Variants in LPA observed in about 807,000 individuals in gnomAD.
LPA encodes the protein apolipoprotein(a).
In LPA, 199 loss-of-function variants were observed where a neutral mutation model predicts 197.9. The ratio of observed to expected loss-of-function variants is 1.01; its 90% CI spans 0.90 to 1.13. The LOEUF (loss-of-function observed/expected upper bound fraction) is 1.13. Ranked by LOEUF, LPA falls within the 50% of genes most tolerant of loss-of-function variation. The pLI is 0.00. For missense variants in LPA, 1,853 were observed against 1,785.8 expected (o/e 1.04, Z -0.68); for synonymous variants, 715 against 639.5 (o/e 1.12, Z -1.78).
At chr6:160,532,259 G>A (rs1033928292) in intron 38 of LPA, among the ~76,000 whole-genome samples, 3 of 152,076 alleles carry the variant, frequency 2.0e-5, no homozygotes, top group African/African-American at 4.8e-5. Context: ...TCAGTCACTG[G>A]TGACCAGCAC....
chr6:160,582,332 C>G (rs1023864616), intron 26 of LPA, among the ~76,000 whole-genome samples: 3 of 151,858 alleles, frequency 2.0e-5, no homozygotes, highest in African/African-American at 7.3e-5. Context: ...TCTTACCACT[C>G]TGAAGGCGTT....
intron 30 of LPA, among the ~76,000 whole-genome samples, chr6:160,552,204 G>A (rs1198966680): frequency 1.3e-5 from 2 of 152,146 alleles, no homozygotes; most frequent in African/African-American, 2.4e-5. Context: ...GAGCCAAGGG[G>A]CCAGGCCAAT....
chr6:160,610,687 A>G (rs1473852913), intron 16 of LPA, among the ~76,000 whole-genome samples: 1 of 152,024 alleles, frequency 6.6e-6, no homozygotes, highest in Non-Finnish European at 1.5e-5. Context: ...GACCTAGAAA[A>G]TACCAGAGTC....
chr6:160,552,027 C>G (rs1309290300), intron 30 of LPA, among the ~76,000 whole-genome samples: 3 of 151,926 alleles, frequency 2.0e-5, no homozygotes, highest in Non-Finnish European at 4.4e-5. Flanking sequence ...ATCCTCTCAC[C>G]TCAGCATTCC....
In LPA at chr6:160,594,600, G is replaced by A. The variant is rs553337243; in HGVS notation, c.3470-483C>T. Among the ~76,000 whole-genome samples the A allele has an allele frequency of 6.6e-5, 10 of 152,312 alleles. No homozygotes were observed. The South Asian group carries it at 1.5e-3, about 22-fold the overall frequency. ...GGAAGCGGTCCTGCATCTAGGACTC[G>A]TAGGCAAAGACAAATTGTCTCTCAG... On this transcript the variant is annotated intron_variant, in intron 21 of 38. Coordinates refer to ENST00000316300, the MANE Select transcript of LPA (RefSeq NM_005577.4).
chr6:160,538,898 C>T (rs1223384987), intron 36 of LPA, among the ~76,000 whole-genome samples: 1 of 152,190 alleles, frequency 6.6e-6, no homozygotes, highest in Non-Finnish European at 1.5e-5. Context: ...CATCAGAACA[C>T]CCCAGCTCTC....
At chr6:160,590,510 C>G (rs894519134) in intron 23 of LPA, among the ~76,000 whole-genome samples, 1 of 152,126 alleles carries the variant, frequency 6.6e-6, no homozygotes, top group Admixed American at 6.6e-5. Flanking sequence ...TATCAGGTTT[C>G]TCAAGGATGA....
chr6:160,604,030 C>T (rs1197268181), intron 18 of LPA, among the ~76,000 whole-genome samples: 1 of 152,120 alleles, frequency 6.6e-6, no homozygotes, highest in African/African-American at 2.4e-5. Context: ...AGGATATATT[C>T]TTTTCTCTAC....
In LPA at chr6:160,589,561, G is replaced by A. The variant is rs762386030; in HGVS notation, c.3939C>T (p.Tyr1313=). Residue 1313 remains tyrosine (Y), a synonymous_variant, in exon 24 of 39, where the codon TAC becomes TAT. Coordinates refer to ENST00000316300, the MANE Select transcript of LPA (RefSeq NM_005577.4). ...PHWHQRTTEY[Y]PNGGLTRNYC... is the part of the protein sequence containing the mutation. ...AAAACTCAAAGACATACCCATTTGG[G>A]TAGTATTCTGTGGTTCTCTGATGCC... The A allele has an allele frequency of 5.0e-6, 8 of 1,613,566 alleles. No individual in the cohort carries two copies. In the African/African-American group the frequency reaches 8.0e-5, roughly 16 times the overall value.
At chr6:160,539,237 G>C (rs962881510) in intron 36 of LPA, among the ~76,000 whole-genome samples, 3 of 152,118 alleles carry the variant, frequency 2.0e-5, no homozygotes, top group Non-Finnish European at 2.9e-5. Flanking sequence ...CACATGCCTT[G>C]TCACCTGTCC....
Position 160,557,443 on chromosome 6 carries a change from A to T in LPA, c.4760T>A (p.Leu1587Gln), listed in dbSNP as rs1265661636. 1 of 1,614,140 alleles carries T rather than the reference A, an allele frequency of 6.2e-7. No homozygotes were observed. Among genetic ancestry groups the T allele is most frequent in the Admixed American group, 1.7e-5 (1 of 60,020 alleles). ...TQCSETESGVLETPTVVPVPS... is the reference protein window; with the variant it reads ...TQCSETESGVQETPTVVPVPS... ...AACTGGAACAACAGTGGGAGTCTCT[A>T]GGACACCTGATTCTGTTTCTGAGCA... The change falls in exon 29 of 39, where the codon CTA becomes CAA. Residue 1587 changes from leucine (L) to glutamine (Q), a missense_variant. Around this residue, in one of 3 missense-constraint regions of LPA, gnomAD observed 1,737 missense variants for 1,504.4 expected, o/e 1.15. Transcript: ENST00000316300.
intron 1 of LPA, among the ~76,000 whole-genome samples, chr6:160,654,057 TATATATATTATATATA>T (rs1780079583): frequency 5.1e-4 from 3 of 5,922 alleles, no homozygotes; most frequent in Admixed American, 4.3e-3. Flanking sequence ...TATAATATAT[TATATATATTATATATA>T]ATATATATTA....
At chr6:160,560,590 G>T (rs1460213784) in intron 28 of LPA, among the ~76,000 whole-genome samples, 1 of 151,858 alleles carries the variant, frequency 6.6e-6, no homozygotes, top group Non-Finnish European at 1.5e-5. Flanking sequence ...AGGTCTTCCT[G>T]TCAGAAGTGT....
In LPA at chr6:160,606,456, T is replaced by G. The variant is rs574762512; in HGVS notation, c.2785+21A>C. The G allele has an allele frequency of 6.2e-5, 100 of 1,612,976 alleles. 1 individual carries two copies. The highest frequency in any genetic ancestry group is 8.1e-5 in the Non-Finnish European group (95 of 1,179,590). ...CATCCCAGCATCGAAACGTGTAGGTTTCTGGCCACAGGCTCCTTACCTTGT... is the reference window on the plus strand; with the variant it reads ...CATCCCAGCATCGAAACGTGTAGGTGTCTGGCCACAGGCTCCTTACCTTGT... On this transcript the variant is annotated intron_variant, in intron 17 of 38. Transcript: ENST00000316300.
intron 35 of LPA, among the ~76,000 whole-genome samples, chr6:160,540,417 G>A (rs540714485): frequency 2.6e-5 from 4 of 152,194 alleles, no homozygotes; most frequent in Non-Finnish European, 5.9e-5. Flanking sequence ...CCTAAATCTC[G>A]TGTTCAACTG....
intron 16 of LPA, among the ~76,000 whole-genome samples, chr6:160,609,659 T>C (rs988761410): frequency 1.3e-5 from 2 of 152,120 alleles, no homozygotes; most frequent in Non-Finnish European, 2.9e-5. Context: ...CCTTGCTCTT[T>C]ACTGTGACTT....
intron 14 of LPA, among the ~76,000 whole-genome samples, chr6:160,615,352 TTGTGTGTGTG>T (rs370743567): frequency 8.2e-4 from 99 of 120,862 alleles, no homozygotes; most frequent in South Asian, 1.1e-3. Flanking sequence ...TGTTTTCAGT[TTGTGTGTGTG>T]TGTGTGTGTG....
At chr6:160,602,508 A>G (rs1279954867) in intron 18 of LPA, among the ~76,000 whole-genome samples, 1 of 152,212 alleles carries the variant, frequency 6.6e-6, no homozygotes. Context: ...GTCAACTCTC[A>G]TTTAAAAAGA....
intron 32 of LPA, among the ~76,000 whole-genome samples, chr6:160,547,074 C>T (rs933911389): frequency 3.9e-5 from 6 of 151,988 alleles, no homozygotes; most frequent in Non-Finnish European, 5.9e-5. Flanking sequence ...GGTGAGGGGG[C>T]GATGGTTAAA....
Sources: allele counts gnomAD v4.1 joint callset (sites outside exome capture counted in the v4.1 genomes callset), GRCh38; gene constraint gnomAD v4.1.1; regional missense constraint gnomAD v4.1.1; transcripts MANE v1.5; gene names NCBI Gene and HGNC (gene_info 2026-07-23, HGNC 2026-07-21).